CHD1L: variants seen among roughly 807,000 people sequenced by gnomAD.
CHD1L encodes chromodomain helicase DNA binding protein 1 like.
A neutral mutation model predicts 115.9 loss-of-function variants in CHD1L; 118 were observed. The observed-to-expected ratio is 1.02, with a 90% CI of 0.88 to 1.19. The LOEUF is 1.19. CHD1L is among the 50% of genes most tolerant of loss of function. The pLI is 0.00. For synonymous variants in CHD1L, 411 were observed against 387.1 expected, an observed-to-expected ratio of 1.06 and a Z score of -0.72; for missense variants, 1,179 against 1,065.3, an observed-to-expected ratio of 1.11 and a Z score of -1.49.
At chr1:147,234,120 C>T in the CHD1L span, among the ~76,000 whole-genome samples, 23 of 152,280 alleles carry the variant, frequency 1.5e-4, no homozygotes, top group East Asian at 3.3e-3. Context: ...AATGCTAAAC[C>T]GTCACAGCTG....
intron 14 of CHD1L, among the ~76,000 whole-genome samples, chr1:147,276,536 G>T (rs1444230272): frequency 5.9e-5 from 9 of 152,186 alleles, no homozygotes; most frequent in Non-Finnish European, 1.5e-5. Flanking sequence ...CCACAGGTTA[G>T]CTCAGAGGGC....
In CHD1L at chr1:147,265,995, CA is replaced by C; in HGVS notation, c.804del (p.Glu269SerfsTer8). Reference protein sequence around the residue: ...LLRRVKAEVATELPKKTEVVI... With the variant: ...LLRRVKAEVAXELPKKTEVVI... ...AGGCGAGTGAAAGCTGAGGTAGCTA[CA>C]GAGCTTCCCAAGAAGACAGAAGTAG... On this transcript the variant is annotated frameshift_variant, in exon 8 of 23. Transcript: ENST00000369258. LOFTEE classifies it high-confidence loss of function. 6.2e-7 allele frequency: 1 copy of C among 1,613,810 alleles called. No homozygotes were observed. The highest frequency in any genetic ancestry group is 8.5e-7 in the Non-Finnish European group (1 of 1,179,870).
intron 19 of CHD1L, 48 bp downstream of exon 19, chr1:147,287,781 G>T: frequency 6.7e-7 from 1 of 1,491,454 alleles, no homozygotes. Context: ...TAAGAGAGAA[G>T]AGGACACCTA....
At chr1:147,276,029 T>A in intron 13 of CHD1L, 75 bp from the exon 14 acceptor site, 1 of 1,425,046 alleles carries the variant, frequency 7.0e-7, no homozygotes, top group Non-Finnish European at 9.7e-7. Flanking sequence ...TGCTTTTAGA[T>A]GTATTTACCT....
chr1:147,278,206 T>G (rs1233085580), intron 14 of CHD1L, among the ~76,000 whole-genome samples: 2 of 147,118 alleles, frequency 1.4e-5, no homozygotes, highest in Admixed American at 1.4e-4. Context: ...GATTTTTGTT[T>G]GTTTTTGTTT....
chr1:147,264,276 C>G, intron 6 of CHD1L, 146 bp from the exon 7 acceptor site: 4 of 683,602 alleles, frequency 5.9e-6, no homozygotes, highest in Non-Finnish European at 9.6e-6. Flanking sequence ...TAGTTTGCAG[C>G]TTCAACCTGA....
chr1:147,285,538 G>C, intron 17 of CHD1L, 51 bp downstream of exon 17: 1 of 1,522,546 alleles, frequency 6.6e-7, no homozygotes, highest in South Asian at 1.3e-5. Flanking sequence ...AGTCACTATT[G>C]TATAGTGAGA....
chr1:147,293,737 C>T lies in CHD1L; in HGVS notation c.2506+15C>T, dbSNP rs372028102. The T allele has an allele frequency of 1.3e-6, 2 of 1,592,248 alleles. No homozygotes were observed. Among genetic ancestry groups the T allele is most frequent in the Non-Finnish European group, 1.7e-6 (2 of 1,160,652 alleles). On this transcript the variant is annotated intron_variant, in intron 21 of 22. Transcript: ENST00000369258. ...AAAGAAGAAAGGTAAGCTCTTCCAC[C>T]TGTGCTCAAGAGTAGATGAATTTGT...
chr1:147,232,391 C>T, the CHD1L span, among the ~76,000 whole-genome samples: 27 of 152,200 alleles, frequency 1.8e-4, no homozygotes, highest in African/African-American at 4.6e-4. Flanking sequence ...TGGATCCTTG[C>T]TTCTAGCCCT....
the CHD1L span, among the ~76,000 whole-genome samples, chr1:147,206,086 C>G: frequency 1.1e-4 from 16 of 150,482 alleles, no homozygotes; most frequent in African/African-American, 4.0e-4. Context: ...AACAAACAAC[C>G]CCATCAAAAA....
the CHD1L span, among the ~76,000 whole-genome samples, chr1:147,206,057 T>C: frequency 2.1e-5 from 3 of 146,218 alleles, 1 homozygote; most frequent in African/African-American, 7.8e-5. Flanking sequence ...AAAGAACTCA[T>C]ACAAATTTAC....
chr1:147,173,366 G>A, the CHD1L span: 1 of 152,258 alleles, frequency 6.6e-6, no homozygotes, highest in Non-Finnish European at 1.5e-5. Context: ...CAGCCCGACT[G>A]GGGTCGCAGG....
the CHD1L span, among the ~76,000 whole-genome samples, chr1:147,234,868 C>T: frequency 5.9e-3 from 905 of 152,282 alleles, 4 homozygotes; most frequent in Non-Finnish European, 9.4e-3. Context: ...TGGGCAAGCA[C>T]ATTTAAAGCT....
the CHD1L span, among the ~76,000 whole-genome samples, chr1:147,189,926 T>G: frequency 6.6e-6 from 1 of 152,186 alleles, no homozygotes; most frequent in Non-Finnish European, 1.5e-5. Context: ...ATATGCATTT[T>G]CCTATGTGAC....
chr1:147,178,651 G>A, the CHD1L span: 24 of 1,577,816 alleles, frequency 1.5e-5, 1 homozygote, highest in African/African-American at 2.3e-4. Flanking sequence ...CAACTTGAGG[G>A]ATAACTACCG....
At chr1:147,243,123 T>A in intron 1 of CHD1L, 1 of 256,512 alleles carries the variant, frequency 3.9e-6, no homozygotes, top group Non-Finnish European at 7.3e-6. Context: ...CAGCGCCACC[T>A]GCAGGCCTCC....
chr1:147,291,127 A>G (rs1342211771), intron 19 of CHD1L, among the ~76,000 whole-genome samples: 4 of 152,224 alleles, frequency 2.6e-5, no homozygotes, highest in African/African-American at 9.6e-5. Flanking sequence ...GTAGAATGTA[A>G]TAATTTGAAT....
chr1:147,295,595 C>A lies in CHD1L; in HGVS notation c.*86C>A. ...GCAATAGAGTATTTCAAAATGGAAT[C>A]AGGATCTGGTGGGCCTCAGAAATTG... On this transcript the variant is annotated 3_prime_UTR_variant, in exon 23 of 23. Transcript: ENST00000369258. 1.0e-6 allele frequency: 1 copy of A among 978,332 alleles called. No individual in the cohort carries two copies. Among genetic ancestry groups the A allele is most frequent in the Non-Finnish European group, 1.5e-6 (1 of 659,292 alleles). 60.6% of individuals were successfully genotyped at this position (978,332 alleles called of 1,614,324 possible).
At chr1:147,174,350 A>T in the CHD1L span, 1 of 152,234 alleles carries the variant, frequency 6.6e-6, no homozygotes, top group Non-Finnish European at 1.5e-5. Context: ...TGACTTGTGT[A>T]GTATTCAGTT....
Sources: gnomAD v4.1 joint callset for allele counts (sites outside exome capture counted in the v4.1 genomes callset) on GRCh38, gnomAD v4.1.1 for gene constraint, MANE v1.5 for transcripts, NCBI Gene and HGNC (gene_info 2026-07-23, HGNC 2026-07-21) for gene names.